PARD3B: variants seen among roughly 807,000 people sequenced by gnomAD.
PARD3B encodes par-3 family cell polarity regulator beta, also known as partitioning defective 3 homolog B.
A neutral mutation model predicts 130.2 loss-of-function variants in PARD3B; 103 were observed. The ratio of observed to expected loss-of-function variants is 0.79; its 90% CI spans 0.67 to 0.93. The LOEUF is 0.93. Among genes scored for constraint, PARD3B ranks in the 40% least tolerant of loss-of-function variants. The pLI, the probability that PARD3B is intolerant of heterozygous loss-of-function variation, is 0.00. For synonymous variants in PARD3B, 583 were observed against 553.2 expected, an observed-to-expected ratio of 1.05 and a Z score of -0.76; for missense variants, 1,609 against 1,499.2, an observed-to-expected ratio of 1.07 and a Z score of -1.21.
At chr2:204,563,217 GTCTCTCTCTCTCTCTCTCTCTCTC>G (rs35536964) in intron 1 of PARD3B, among the ~76,000 whole-genome samples, 5 of 86,638 alleles carry the variant, frequency 5.8e-5, no homozygotes, top group South Asian at 4.9e-4. Flanking sequence ...TCTTCCCGCT[GTCTCTCTCTCTCTCTCTCTCTCTC>G]TCTCTCTCTC....
chr2:205,383,065 C>T (rs2045511556), intron 18 of PARD3B, among the ~76,000 whole-genome samples: 1 of 82,336 alleles, frequency 1.2e-5, no homozygotes, highest in Non-Finnish European at 3.2e-5. Flanking sequence ...TCTCAGGAAA[C>T]AGAACCTGGA....
intron 2 of PARD3B, among the ~76,000 whole-genome samples, chr2:204,847,975 A>G (rs1425257233): frequency 6.6e-6 from 1 of 152,200 alleles, no homozygotes; most frequent in Non-Finnish European, 1.5e-5. Context: ...ACAATCATTC[A>G]TCTCACTTCA....
At chr2:205,198,424 C>G (rs965084162) in intron 15 of PARD3B, among the ~76,000 whole-genome samples, 1 of 152,180 alleles carries the variant, frequency 6.6e-6, no homozygotes, top group African/African-American at 2.4e-5. Context: ...AAAACTCTCC[C>G]TAAAATCAAG....
chr2:204,728,283 C>G (rs926099884), intron 2 of PARD3B, among the ~76,000 whole-genome samples: 1 of 152,084 alleles, frequency 6.6e-6, no homozygotes, highest in African/African-American at 2.4e-5. Flanking sequence ...GACTGCCCCA[C>G]AACTTTACTA....
At chr2:204,586,653 T>C (rs2125088495) in intron 1 of PARD3B, among the ~76,000 whole-genome samples, 1 of 151,994 alleles carries the variant, frequency 6.6e-6, no homozygotes, top group Middle Eastern at 3.4e-3. Context: ...GGTCTCGAAT[T>C]TATGACTTCC....
chr2:205,406,412 T>A (rs1328546152), intron 19 of PARD3B, among the ~76,000 whole-genome samples: 1 of 152,156 alleles, frequency 6.6e-6, no homozygotes, highest in Non-Finnish European at 1.5e-5. Flanking sequence ...AGTGAGTTTG[T>A]TGACACTGAA....
At chr2:205,304,405 AC>A (rs1402218305) in intron 18 of PARD3B, among the ~76,000 whole-genome samples, 1 of 152,050 alleles carries the variant, frequency 6.6e-6, no homozygotes, top group Non-Finnish European at 1.5e-5. Context: ...GGAGGCCAAG[AC>A]GGGCGGATCA....
intron 2 of PARD3B, among the ~76,000 whole-genome samples, chr2:204,825,323 C>T (rs2043526289): frequency 6.6e-6 from 1 of 152,120 alleles, no homozygotes. Context: ...GAAAGTGTGG[C>T]TCTCTAGAGG....
intron 20 of PARD3B, among the ~76,000 whole-genome samples, chr2:205,445,927 C>T (rs1211035802): frequency 4.6e-5 from 7 of 152,126 alleles, no homozygotes; most frequent in Non-Finnish European, 1.0e-4. Context: ...GAGTTCAGTA[C>T]TGGACTCACC....
intron 18 of PARD3B, chr2:205,347,859 T>G (rs2043849300): frequency 2.0e-5 from 3 of 152,196 alleles, no homozygotes; most frequent in Admixed American, 6.6e-5. Context: ...AGCCAGAGTT[T>G]GCTGGTTGGA....
chr2:204,583,622 T>TAAAAAAAA (rs1183973275), intron 1 of PARD3B, among the ~76,000 whole-genome samples: 21 of 70,636 alleles, frequency 3.0e-4, no homozygotes, highest in Non-Finnish European at 4.2e-4. Context: ...ACTTAAAGTA[T>TAAAAAAAA]AAAAAAAAAA....
At position 205,141,357 on chromosome 2, in the gene PARD3B, G is replaced by A. The variant is rs546652873; in HGVS notation, c.1434+15620G>A. Among the ~76,000 whole-genome samples the A allele has an allele frequency of 7.9e-5, 12 of 152,320 alleles. No individual in the cohort carries two copies. The South Asian group carries it at 2.5e-3, about 32-fold the overall frequency. ...CTTTTCAGTTTTATTTAGAACAAAT[G>A]AATTTGCTCCCTGAGTGAATTTAAA... On this transcript the variant is annotated intron_variant, in intron 10 of 22. Coordinates refer to ENST00000406610, the MANE Select transcript of PARD3B (RefSeq NM_001302769.2).
chr2:205,593,569 C>G (rs1179359841), intron 22 of PARD3B, among the ~76,000 whole-genome samples: 6 of 152,178 alleles, frequency 3.9e-5, no homozygotes, highest in Non-Finnish European at 1.5e-5. Flanking sequence ...AATTAAAGGG[C>G]TAGTTCACAC....
chr2:205,404,276 G>A (rs1307372329), intron 19 of PARD3B, among the ~76,000 whole-genome samples: 3 of 152,194 alleles, frequency 2.0e-5, no homozygotes, highest in Non-Finnish European at 4.4e-5. Flanking sequence ...TTGAAGCTAT[G>A]CAAATGAAGT....
intron 2 of PARD3B, among the ~76,000 whole-genome samples, chr2:204,876,911 G>A (rs745688116): frequency 2.6e-5 from 4 of 152,088 alleles, no homozygotes; most frequent in African/African-American, 9.7e-5. Context: ...ACCTGTGTTT[G>A]AACTGTGCAG....
At chr2:205,486,002 A>G (rs2049425460) in intron 20 of PARD3B, among the ~76,000 whole-genome samples, 1 of 152,128 alleles carries the variant, frequency 6.6e-6, no homozygotes, top group Non-Finnish European at 1.5e-5. Context: ...AGACTGTGAA[A>G]TCCCTGAGGG....
rs1307243249 is a variant in PARD3B, at chr2:205,250,864, G to T, written c.2185+5042G>T. On this transcript the variant is annotated intron_variant, in intron 16 of 22. Coordinates refer to ENST00000406610, the MANE Select transcript of PARD3B (RefSeq NM_001302769.2). Reference sequence around the variant, plus strand: ...GAATCGCTTGAACCCACAAGGTGGAGGTTGCAGTGAGCCAAGATCACACCA... The same window carrying T: ...GAATCGCTTGAACCCACAAGGTGGATGTTGCAGTGAGCCAAGATCACACCA... Among the ~76,000 whole-genome samples, 21 of 152,166 alleles carry T rather than the reference G, an allele frequency of 1.4e-4. 1 individual carries two copies. Among genetic ancestry groups the T allele is most frequent in the Admixed American group, 1.4e-3 (21 of 15,284 alleles).
intron 4 of PARD3B, among the ~76,000 whole-genome samples, chr2:205,082,240 C>T (rs1701461682): frequency 6.6e-6 from 1 of 152,072 alleles, no homozygotes; most frequent in Non-Finnish European, 1.5e-5. Context: ...ATACAGTAGT[C>T]CCCCTTTATC....
chr2:204,624,957 G>T (rs2034435053), intron 1 of PARD3B, among the ~76,000 whole-genome samples: 1 of 151,914 alleles, frequency 6.6e-6, no homozygotes, highest in African/African-American at 2.4e-5. Context: ...TCTCATTGTG[G>T]GTTTAGTTTA....
Sources: allele counts gnomAD v4.1 joint callset (sites outside exome capture counted in the v4.1 genomes callset), GRCh38; gene constraint gnomAD v4.1.1; transcripts MANE v1.5; gene names NCBI Gene and HGNC (gene_info 2026-07-23, HGNC 2026-07-21).